CHRNA7: variants seen among roughly 807,000 people sequenced by gnomAD.
The protein encoded by CHRNA7 is neuronal acetylcholine receptor subunit alpha-7.
Under a neutral mutation model 48.0 loss-of-function variants are expected in CHRNA7, and 17 were observed. That is an observed-to-expected ratio of 0.35 (90% CI 0.24 to 0.53). The LOEUF (loss-of-function observed/expected upper bound fraction) is 0.53, where lower values mean the gene tolerates loss of function less well. Among genes scored for constraint, CHRNA7 ranks in the 20% least tolerant of loss-of-function variants. The pLI is 0.92. For missense variants in CHRNA7, 155 were observed against 577.7 expected (o/e 0.27, Z 7.50); for synonymous variants, 75 against 242.3 (o/e 0.31, Z 6.41).
At chr15:32,073,264 G>T (rs891028151) in intron 2 of CHRNA7, among the ~76,000 whole-genome samples, 1 of 152,182 alleles carries the variant, frequency 6.6e-6, no homozygotes, top group Admixed American at 6.5e-5. Context: ...GGCCCTGCTG[G>T]GTTTCAGACT....
intron 4 of CHRNA7, among the ~76,000 whole-genome samples, chr15:32,124,077 A>T (rs1264769952): frequency 6.6e-6 from 1 of 152,118 alleles, no homozygotes; most frequent in Non-Finnish European, 1.5e-5. Flanking sequence ...ATCCCATAAC[A>T]GTTCTCAAAC....
chr15:32,073,380 G>T (rs2050087719), intron 2 of CHRNA7, among the ~76,000 whole-genome samples: 1 of 152,174 alleles, frequency 6.6e-6, no homozygotes, highest in South Asian at 2.1e-4. Flanking sequence ...CAAATAACTT[G>T]TTTGTGATCT....
chr15:32,125,655 T>C (rs1276454919), intron 4 of CHRNA7, among the ~76,000 whole-genome samples: 2 of 152,194 alleles, frequency 1.3e-5, no homozygotes, highest in Non-Finnish European at 2.9e-5. Context: ...CTTGCCTGGT[T>C]TGCTCTTCTG....
intron 4 of CHRNA7, among the ~76,000 whole-genome samples, chr15:32,136,858 C>T (rs1209512944): frequency 1.7e-5 from 2 of 118,794 alleles, no homozygotes; most frequent in East Asian, 5.3e-4. Context: ...GGTGAAACCC[C>T]GTCTCTACTA....
At position 32,168,758 on chromosome 15, in the gene CHRNA7, T is replaced by TGATA; in HGVS notation, c.*300_*301insGATA. On this transcript the variant is annotated 3_prime_UTR_variant, in exon 10 of 10. Transcript: ENST00000306901. ...CTGCCTGGAAAGCCCTTCGGAGAGCTCCCCATGGCTCCTCACCACCGAGAC... is the reference window on the plus strand; with the variant it reads ...CTGCCTGGAAAGCCCTTCGGAGAGCTGATACCCCATGGCTCCTCACCACCGAGAC... The TGATA allele has an allele frequency of 2.2e-5, 1 of 44,614 alleles. No homozygotes were observed. The highest frequency in any genetic ancestry group is 3.9e-5 in the Non-Finnish European group (1 of 25,344). 2.8% of individuals were successfully genotyped at this position (44,614 alleles called of 1,614,324 possible).
intron 2 of CHRNA7, among the ~76,000 whole-genome samples, chr15:32,042,496 G>C (rs570463529): frequency 8.2e-4 from 125 of 152,306 alleles, no homozygotes; most frequent in African/African-American, 2.8e-3. Context: ...ACCTGGTAGA[G>C]CTTCTGGAGG....
intron 2 of CHRNA7, among the ~76,000 whole-genome samples, chr15:32,063,684 C>G (rs2141207867): frequency 6.6e-6 from 1 of 152,342 alleles, no homozygotes; most frequent in East Asian, 1.9e-4. Context: ...TTCCAGTTCT[C>G]CAATCACTTG....
At chr15:32,148,071 A>T (rs1201748268) in intron 4 of CHRNA7, among the ~76,000 whole-genome samples, 1 of 152,072 alleles carries the variant, frequency 6.6e-6, no homozygotes, top group Non-Finnish European at 1.5e-5. Flanking sequence ...TCTCTCTCTC[A>T]GTCTTTCAAG....
chr15:32,126,431 A>G lies in CHRNA7; in HGVS notation c.350+14532A>G, dbSNP rs143611269. On this transcript the variant is annotated intron_variant, in intron 4 of 9. Transcript: ENST00000306901. Reference sequence around the variant, plus strand: ...GGCTTTGTTGAACTCTGCCTCATTTATTATGAAAGCTGACTTCAGGTTGAG... The same window carrying G: ...GGCTTTGTTGAACTCTGCCTCATTTGTTATGAAAGCTGACTTCAGGTTGAG... Among the ~76,000 whole-genome samples, 61 of 152,326 alleles carry G rather than the reference A, an allele frequency of 4.0e-4. No homozygotes were observed. The East Asian group carries it at 0.012, about 29-fold the overall frequency.
intron 4 of CHRNA7, among the ~76,000 whole-genome samples, chr15:32,126,864 A>G (rs1008089282): frequency 9.2e-5 from 14 of 152,330 alleles, no homozygotes; most frequent in Admixed American, 2.6e-4. Flanking sequence ...CAAAGCCAAG[A>G]AATTAACATT....
intron 2 of CHRNA7, among the ~76,000 whole-genome samples, chr15:32,034,838 GA>G (rs1902007560): frequency 6.6e-6 from 1 of 152,190 alleles, no homozygotes; most frequent in African/African-American, 2.4e-5. Context: ...GCACTAGGCA[GA>G]GGGGGAAGAT....
intron 2 of CHRNA7, among the ~76,000 whole-genome samples, chr15:32,067,652 CCT>C (rs1342369832): frequency 3.3e-5 from 5 of 152,084 alleles, no homozygotes; most frequent in African/African-American, 7.2e-5. Flanking sequence ...CTTTTTTTCT[CCT>C]CTCTGATTTG....
At chr15:32,073,649 G>A (rs180674522) in intron 2 of CHRNA7, among the ~76,000 whole-genome samples, 3 of 152,250 alleles carry the variant, frequency 2.0e-5, no homozygotes, top group Non-Finnish European at 2.9e-5. Context: ...TGTTTGGGTC[G>A]TGGGGATGGA....
chr15:32,038,514 A>G (rs1445382982), intron 2 of CHRNA7, among the ~76,000 whole-genome samples: 3 of 152,124 alleles, frequency 2.0e-5, no homozygotes, highest in African/African-American at 4.8e-5. Flanking sequence ...CTTTTTGTAC[A>G]TTGTTGAGAT....
At position 32,083,253 on chromosome 15, in the gene CHRNA7, CAA is replaced by C. The variant is rs550402504; in HGVS notation, c.196-18049_196-18048del. On this transcript the variant is annotated intron_variant, in intron 2 of 9. Coordinates refer to ENST00000306901, the MANE Select transcript of CHRNA7 (RefSeq NM_000746.6). ...TGTGAGAGGGGGAGATAAATTATCT[CAA>C]GAGTGGATGTGTTAAAAAAGTGAGT... Among the ~76,000 whole-genome samples, 541 of 152,126 alleles carry C rather than the reference CAA, an allele frequency of 3.6e-3. 3 individuals are homozygous for C. Among genetic ancestry groups the C allele is most frequent in the African/African-American group, 0.012 (507 of 41,506 alleles).
chr15:32,088,020 G>A (rs894640321), intron 2 of CHRNA7, among the ~76,000 whole-genome samples: 7 of 152,134 alleles, frequency 4.6e-5, no homozygotes, highest in African/African-American at 1.7e-4. Flanking sequence ...TTTTGACAAT[G>A]CTTAATGTCT....
At chr15:32,098,328 T>C (rs1337753401) in intron 2 of CHRNA7, among the ~76,000 whole-genome samples, 2 of 152,200 alleles carry the variant, frequency 1.3e-5, no homozygotes, top group African/African-American at 4.8e-5. Flanking sequence ...AGATGGACTC[T>C]GAACCTGCTT....
At chr15:32,049,105 A>G (rs2049614864) in intron 2 of CHRNA7, among the ~76,000 whole-genome samples, 1 of 150,878 alleles carries the variant, frequency 6.6e-6, no homozygotes, top group African/African-American at 2.5e-5. Context: ...TGTGGTGCTG[A>G]AAAAAATGTA....
At chr15:32,114,033 TATATATATATGTATATATATATATATAC>T (rs1385080495) in intron 4 of CHRNA7, among the ~76,000 whole-genome samples, 3 of 87,444 alleles carry the variant, frequency 3.4e-5, no homozygotes, top group Admixed American at 1.7e-4. Flanking sequence ...TATATATATA[TATATATATATGTATATATATATATATAC>T]ATATATATAT....
Sources: allele counts gnomAD v4.1 joint callset (sites outside exome capture counted in the v4.1 genomes callset), GRCh38; gene constraint gnomAD v4.1.1; transcripts MANE v1.5; gene names NCBI Gene and HGNC (gene_info 2026-07-23, HGNC 2026-07-21).